The following PRORP variants were observed in gnomAD, a reference collection of about 807,000 sequenced individuals.
PRORP encodes protein only RNase P catalytic subunit, also known as mitochondrial ribonuclease P catalytic subunit.
Under a neutral mutation model 59.4 loss-of-function variants are expected in PRORP, and 51 were observed. The observed-to-expected ratio is 0.86, with a 90% confidence interval of 0.69 to 1.08. The LOEUF is 1.08. PRORP is among the 50% of genes least tolerant of loss of function. The pLI, the probability that PRORP is intolerant of heterozygous loss-of-function variation, is 0.00. For missense variants in PRORP, 646 were observed against 690.3 expected (o/e 0.94, Z 0.72); for synonymous variants, 231 against 245.6 (o/e 0.94, Z 0.55).
intron 5 of PRORP, among the ~76,000 whole-genome samples, chr14:35,255,921 CAG>C (rs774812413): frequency 6.6e-6 from 1 of 152,052 alleles, no homozygotes; most frequent in East Asian, 1.9e-4. Context: ...AATTGTGACT[CAG>C]AAATATGAGT....
chr14:35,259,371 T>C (rs955409040), intron 5 of PRORP, among the ~76,000 whole-genome samples: 1 of 152,172 alleles, frequency 6.6e-6, no homozygotes, highest in African/African-American at 2.4e-5. Flanking sequence ...TTAGATAGCA[T>C]ATAGTTGGGT....
chr14:35,168,267 G>A (rs1480141781), intron 4 of PRORP, among the ~76,000 whole-genome samples: 3 of 152,130 alleles, frequency 2.0e-5, no homozygotes, highest in African/African-American at 7.2e-5. Context: ...CCACATACTT[G>A]TTATGGGTCA....
intron 5 of PRORP, among the ~76,000 whole-genome samples, chr14:35,182,198 G>A (rs577228024): frequency 1.1e-4 from 17 of 152,146 alleles, no homozygotes; most frequent in African/African-American, 1.4e-4. Flanking sequence ...CCCGGAAGGC[G>A]GTGGTTTTAG....
chr14:35,210,381 C>G (rs1306231363), intron 5 of PRORP, among the ~76,000 whole-genome samples: 1 of 152,148 alleles, frequency 6.6e-6, no homozygotes, highest in Non-Finnish European at 1.5e-5. Flanking sequence ...AATTATATTG[C>G]ATCCAGAAAA....
At chr14:35,160,193 T>C (rs1445440629) in intron 4 of PRORP, among the ~76,000 whole-genome samples, 11 of 152,218 alleles carry the variant, frequency 7.2e-5, no homozygotes, top group Admixed American at 7.2e-4. Flanking sequence ...TCATTTGAGC[T>C]GATGAATGTT....
intron 5 of PRORP, among the ~76,000 whole-genome samples, chr14:35,234,728 G>A (rs969541415): frequency 6.8e-6 from 1 of 147,332 alleles, no homozygotes; most frequent in Non-Finnish European, 1.5e-5. Flanking sequence ...ACCCAGTTTG[G>A]AGTGCAGTGG....
At chr14:35,175,764 T>A (rs1384989516) in intron 4 of PRORP, among the ~76,000 whole-genome samples, 2 of 152,172 alleles carry the variant, frequency 1.3e-5, no homozygotes, top group Non-Finnish European at 2.9e-5. Flanking sequence ...ATTTGTCAAT[T>A]TTGGCTTTTG....
chr14:35,124,214 A>G lies in PRORP; in HGVS notation c.969A>G (p.Ile323Met). 6.5e-7 allele frequency: 1 copy of G among 1,543,396 alleles called. No homozygotes were observed. Among genetic ancestry groups the G allele is most frequent in the Non-Finnish European group, 8.7e-7 (1 of 1,150,418 alleles). ...CAGGGGAGTCATTTGCACACAGTAT[A>G]AAAACATGGTTTGAGAGGTAATTTT... ...LYPGESFAHS[I>M]KTWFESVPGK... Residue 323 changes from isoleucine to methionine, a missense_variant, in exon 2 of 8, where the codon ATA (isoleucine) becomes ATG (methionine). By Grantham distance (10) the Ile-to-Met change is conservative (BLOSUM62 1). Coordinates refer to ENST00000534898, the MANE Select transcript of PRORP (RefSeq NM_014672.4).
intron 5 of PRORP, among the ~76,000 whole-genome samples, chr14:35,256,527 T>C (rs1162464460): frequency 6.6e-6 from 1 of 151,572 alleles, no homozygotes; most frequent in African/African-American, 2.4e-5. Context: ...AGATGGGGCT[T>C]CACCATGTTG....
At chr14:35,133,584 G>A (rs2047303437) in intron 4 of PRORP, among the ~76,000 whole-genome samples, 1 of 152,158 alleles carries the variant, frequency 6.6e-6, no homozygotes, top group Non-Finnish European at 1.5e-5. Context: ...GCATTGAAGA[G>A]TTAGGTATTT....
intron 5 of PRORP, among the ~76,000 whole-genome samples, chr14:35,197,377 A>G (rs757984694): frequency 6.6e-6 from 1 of 152,252 alleles, no homozygotes; most frequent in Non-Finnish European, 1.5e-5. Flanking sequence ...CAGCAATTGC[A>G]GAGTGAGTAG....
intron 5 of PRORP, 110 bp downstream of exon 5, chr14:35,180,887 A>T (rs1001722389): frequency 2.7e-5 from 19 of 693,154 alleles, no homozygotes; most frequent in Non-Finnish European, 4.7e-5. Context: ...TCTAAAACTA[A>T]GGTCTTCAGG....
chr14:35,194,122 A>G (rs1192947656), intron 5 of PRORP, among the ~76,000 whole-genome samples: 1 of 152,182 alleles, frequency 6.6e-6, no homozygotes, highest in Non-Finnish European at 1.5e-5. Flanking sequence ...ACTGCTGTCC[A>G]GGTTGAAAGA....
At chr14:35,156,331 A>G (rs1476594819) in intron 4 of PRORP, among the ~76,000 whole-genome samples, 3 of 152,190 alleles carry the variant, frequency 2.0e-5, no homozygotes, top group African/African-American at 7.2e-5. Context: ...GTAAAATGTG[A>G]TTTCCTGTGT....
intron 5 of PRORP, chr14:35,262,362 T>TCTCG: frequency 3.0e-5 from 10 of 330,468 alleles, no homozygotes; most frequent in Non-Finnish European, 4.7e-5. Context: ...CTAGTGTAGA[T>TCTCG]GTTTGCCTTT....
At chr14:35,247,900 A>G (rs1040377613) in intron 5 of PRORP, among the ~76,000 whole-genome samples, 1 of 152,188 alleles carries the variant, frequency 6.6e-6, no homozygotes. Context: ...TCTGTCTTCT[A>G]GACAGCTTTG....
chr14:35,126,870 A>G, intron 3 of PRORP, 88 bp downstream of exon 3: 1 of 946,954 alleles, frequency 1.1e-6, no homozygotes, highest in Non-Finnish European at 1.6e-6. Flanking sequence ...AGAACACCTT[A>G]AGGGTAGGAT....
intron 5 of PRORP, among the ~76,000 whole-genome samples, chr14:35,261,842 A>C (rs1477508500): frequency 6.6e-6 from 1 of 152,114 alleles, no homozygotes; most frequent in Non-Finnish European, 1.5e-5. Flanking sequence ...ACTGTCATGG[A>C]GTTTCAGGCC....
intron 5 of PRORP, among the ~76,000 whole-genome samples, chr14:35,239,616 T>A (rs1043126487): frequency 6.6e-6 from 1 of 152,212 alleles, no homozygotes; most frequent in Non-Finnish European, 1.5e-5. Flanking sequence ...TCGTGACCTT[T>A]GACAGGTTAC....
Sources: gnomAD v4.1 joint callset for allele counts (sites outside exome capture counted in the v4.1 genomes callset) on GRCh38, gnomAD v4.1.1 for gene constraint, MANE v1.5 for transcripts, NCBI Gene and HGNC (gene_info 2026-07-23, HGNC 2026-07-21) for gene names.